Variants in ZNF746 observed in about 807,000 individuals in gnomAD.
The protein encoded by ZNF746 is zinc finger protein 746.
In ZNF746, 13 loss-of-function variants were observed where a neutral mutation model predicts 41.0. The observed-to-expected ratio is 0.32, with a 90% confidence interval of 0.21 to 0.50. The LOEUF is 0.50. Among genes scored for constraint, ZNF746 ranks in the 20% least tolerant of loss-of-function variants. The pLI is 0.98. For synonymous variants in ZNF746, 424 were observed against 396.2 expected (o/e 1.07, Z -0.83); for missense variants, 811 against 922.9 (o/e 0.88, Z 1.57).
chr7:149,479,045 A>G (rs957546197), intron 4 of ZNF746, among the ~76,000 whole-genome samples: 5 of 152,236 alleles, frequency 3.3e-5, no homozygotes, highest in African/African-American at 9.7e-5. Context: ...AGAATGAGAA[A>G]TTCCAACACA....
intron 1 of ZNF746, chr7:149,496,835 G>A: frequency 1.0e-6 from 1 of 985,394 alleles, no homozygotes; most frequent in Non-Finnish European, 1.2e-6. Flanking sequence ...ATTATTGCCC[G>A]CGTACCTGCC....
intron 3 of ZNF746, 53 bp from the exon 4 acceptor site, chr7:149,493,025 C>T (rs1339160489): frequency 5.6e-6 from 7 of 1,241,670 alleles, no homozygotes; most frequent in African/African-American, 1.5e-5. Flanking sequence ...AAGCTGGGGA[C>T]AGTCATCCCG....
At chr7:149,478,663 G>A (rs1800393231) in intron 4 of ZNF746, among the ~76,000 whole-genome samples, 1 of 152,096 alleles carries the variant, frequency 6.6e-6, no homozygotes. Context: ...AACAGAAGAG[G>A]TGCCAAATGG....
At chr7:149,491,657 T>G in intron 4 of ZNF746, 31 of 550,312 alleles carry the variant, frequency 5.6e-5, no homozygotes, top group Non-Finnish European at 5.9e-5. Context: ...CTGACTGAGA[T>G]GAGATGACGA....
At chr7:149,477,983 G>A (rs1800370078) in intron 4 of ZNF746, 2 of 437,734 alleles carry the variant, frequency 4.6e-6, no homozygotes, top group East Asian at 6.9e-5. Context: ...CGGGGGAGGG[G>A]AAGAATACAC....
In ZNF746 at chr7:149,474,898, C is replaced by T. The variant is rs1353144369; in HGVS notation, c.1469G>A (p.Ser490Asn). Residue 490 changes from serine to asparagine, a missense_variant, in exon 7 of 7, where the codon AGC (serine) becomes AAC (asparagine). Coordinates refer to ENST00000458143, the MANE Select transcript of ZNF746 (RefSeq NM_001394198.1). This position sits in a 1 kb window ranked among gnomAD's most constrained non-coding sequence, Gnocchi z 6.3. Reference sequence around the variant, plus strand: ...GCCCGACCCGTCGGGCGCCCCACAGCTGCGCTGGTGCGCGCTCAGGCTGAC... The same window carrying T: ...GCCCGACCCGTCGGGCGCCCCACAGTTGCGCTGGTGCGCGCTCAGGCTGAC... Reference protein sequence around the residue: ...LQVSLSAHQRSCGAPDGSGPG... With the variant: ...LQVSLSAHQRNCGAPDGSGPG... 1 of 1,533,704 alleles carries T rather than the reference C, an allele frequency of 6.5e-7. No homozygotes were observed. Among genetic ancestry groups the T allele is most frequent in the African/African-American group, 1.4e-5 (1 of 72,522 alleles).
chr7:149,474,266 A>G lies in ZNF746; in HGVS notation c.*118T>C. 8.4e-7 allele frequency: 1 copy of G among 1,192,422 alleles called. No individual in the cohort carries two copies. The highest frequency in any genetic ancestry group is 1.2e-6 in the Non-Finnish European group (1 of 852,148). The allele number at this position is 1,192,422 out of a possible 1,614,324, so 73.9% of individuals were successfully genotyped here. A position where few individuals can be genotyped will look rare whatever the true frequency, so the allele number is the denominator to read the frequency against. ...TTTCTCCAGTGATCATCAGTTCAGC[A>G]ACTTGGACATTTGGTTCTCCCCGTC... On this transcript the variant is annotated 3_prime_UTR_variant, in exon 7 of 7. Coordinates refer to ENST00000458143, the MANE Select transcript of ZNF746 (RefSeq NM_001394198.1). This position sits in a 1 kb window ranked among gnomAD's most constrained non-coding sequence, Gnocchi z 6.3.
chr7:149,495,640 T>C (rs545317333), intron 1 of ZNF746, among the ~76,000 whole-genome samples: 114 of 152,310 alleles, frequency 7.5e-4, no homozygotes, highest in African/African-American at 2.7e-3. Flanking sequence ...GGTTGGTGAT[T>C]ATTTCCAAAA....
chr7:149,497,298 G>A lies in ZNF746; in HGVS notation c.24+215C>T, dbSNP rs1275019878. ...GGGGCGGCCCGGGGCGGGGACAACC[G>A]TTCCGCCAGCGCTCGGGTTCGGCTC... On this transcript the variant is annotated intron_variant, in intron 1 of 6. Transcript: ENST00000458143. This position sits in a 1 kb window ranked among gnomAD's most constrained non-coding sequence, Gnocchi z 4.2. The A allele has an allele frequency of 9.1e-6, 9 of 985,146 alleles. No homozygotes were observed. In the East Asian group the frequency reaches 8.0e-4, roughly 88 times the overall value. 61.0% of individuals were successfully genotyped at this position (985,146 alleles called of 1,614,324 possible).
intron 4 of ZNF746, chr7:149,489,237 A>T (rs1404729982): frequency 8.4e-6 from 1 of 118,462 alleles, no homozygotes; most frequent in African/African-American, 3.5e-5. Flanking sequence ...ATTATTTCAC[A>T]CACACACACA....
intron 1 of ZNF746, among the ~76,000 whole-genome samples, chr7:149,496,076 A>G (rs1156277480): frequency 6.6e-6 from 1 of 152,216 alleles, no homozygotes; most frequent in Non-Finnish European, 1.5e-5. Flanking sequence ...AGTTTACTCC[A>G]GAAGCTTCCT....
rs1301972879 is a variant in ZNF746, at chr7:149,474,702, G to A, written c.1665C>T (p.Pro555=). ...TGAAGCGCTTCTCACACTCGGTGCAGGGGAAGGGCCGCTCGCCGGTGTGCA... is the reference window on the plus strand; with the variant it reads ...TGAAGCGCTTCTCACACTCGGTGCAAGGGAAGGGCCGCTCGCCGGTGTGCA... ...RMLHTGERPF[P]CTECEKRFTE... The change falls in exon 7 of 7, where the codon CCC becomes CCT. Residue 555 remains proline (P), a synonymous_variant. Coordinates refer to ENST00000458143, the MANE Select transcript of ZNF746 (RefSeq NM_001394198.1). The surrounding 1 kb of genome is among the most constrained non-coding windows in gnomAD (Gnocchi z 6.3). 5.6e-6 allele frequency: 9 copies of A among 1,612,734 alleles called. No homozygotes were observed. The highest frequency in any genetic ancestry group is 1.3e-5 in the African/African-American group (1 of 74,910).
Position 149,483,531 on chromosome 7 carries a change from C to T in ZNF746, c.566-5776G>A, listed in dbSNP as rs117494987. On this transcript the variant is annotated intron_variant, in intron 4 of 6. Transcript: ENST00000458143. The stretch of plus-strand genomic sequence containing the variant: ...CTGAGGCAGGAGAATGGCTTGAACC[C>T]GGCAAGTGGAGATTGCAGTAAGCCA... Among the ~76,000 whole-genome samples the T allele has an allele frequency of 4.1e-3, 617 of 151,942 alleles. 3 individuals are homozygous for T. Among genetic ancestry groups the T allele is most frequent in the South Asian group, 0.011 (53 of 4,818 alleles).
chr7:149,476,020 T>C (rs1800288938), intron 6 of ZNF746, among the ~76,000 whole-genome samples: 1 of 152,148 alleles, frequency 6.6e-6, no homozygotes, highest in African/African-American at 2.4e-5. Flanking sequence ...TATTAGTGAA[T>C]AAGAATGTGT....
chr7:149,472,958 T>C lies in ZNF746; in HGVS notation c.*1426A>G, dbSNP rs1034750600. 3.3e-5 allele frequency: 5 copies of C among 152,506 alleles called. No homozygotes were observed. Among genetic ancestry groups the C allele is most frequent in the African/African-American group, 1.2e-4 (5 of 41,416 alleles). The allele number at this position is 152,506 out of a possible 1,614,324, so 9.4% of individuals were successfully genotyped here. A position where few individuals can be genotyped will look rare whatever the true frequency, so the allele number is the denominator to read the frequency against. On this transcript the variant is annotated 3_prime_UTR_variant, in exon 7 of 7. Transcript: ENST00000458143. ...TAAAAGTATGCATGAGGGGGCTGAA[T>C]GAATGGGCACTGCCAGGTCCCTCCG...
At position 149,497,680 on chromosome 7, in the gene ZNF746, C is replaced by G; in HGVS notation, c.-144G>C. On this transcript the variant is annotated 5_prime_UTR_variant, in exon 1 of 7. Transcript: ENST00000458143. This position sits in a 1 kb window ranked among gnomAD's most constrained non-coding sequence, Gnocchi z 4.2. ...TGCCGCCGCTCCTCGCTGGCTGCCC[C>G]TGCGCCGCGCCGCCCGCAGTCGCGC... is the stretch of plus-strand genomic sequence containing the variant. 1 of 566,014 alleles carries G rather than the reference C, an allele frequency of 1.8e-6. No individual in the cohort carries two copies. The highest frequency in any genetic ancestry group is 2.2e-6 in the Non-Finnish European group (1 of 444,708). The allele number at this position is 566,014 out of a possible 1,614,324, so 35.1% of individuals were successfully genotyped here. A position where few individuals can be genotyped will look rare whatever the true frequency, so the allele number is the denominator to read the frequency against.
At chr7:149,489,536 T>C (rs1276889267) in intron 4 of ZNF746, 1 of 152,466 alleles carries the variant, frequency 6.6e-6, no homozygotes, top group Non-Finnish European at 1.5e-5. Context: ...GCAGTGCCGA[T>C]GACACGAAAG....
chr7:149,497,525 C>T lies in ZNF746; in HGVS notation c.12G>A (p.Ala4=). The T allele has an allele frequency of 9.1e-7, 1 of 1,100,926 alleles. No homozygotes were observed. The highest frequency in any genetic ancestry group is 1.1e-6 in the Non-Finnish European group (1 of 906,604). The allele number at this position is 1,100,926 out of a possible 1,614,324, so 68.2% of individuals were successfully genotyped here. A position where few individuals can be genotyped will look rare whatever the true frequency, so the allele number is the denominator to read the frequency against. Residue 4 remains alanine (A), a synonymous_variant, in exon 1 of 7, where the codon GCG becomes GCA. Coordinates refer to ENST00000458143, the MANE Select transcript of ZNF746 (RefSeq NM_001394198.1). This position sits in a 1 kb window ranked among gnomAD's most constrained non-coding sequence, Gnocchi z 4.2. MAE[A]VAAPISPWTM... ...GGGTCGCCCTTACCGGAGCCGCGAC[C>T]GCCTCGGCCATGGCCCTGCGCTGTC... is the stretch of plus-strand genomic sequence containing the variant.
At chr7:149,495,667 A>C (rs1800972693) in intron 1 of ZNF746, among the ~76,000 whole-genome samples, 1 of 152,378 alleles carries the variant, frequency 6.6e-6, no homozygotes, top group Non-Finnish European at 1.5e-5. Context: ...AGTAGCTACT[A>C]GAAACCAGTG....
Sources: gnomAD v4.1 joint callset for allele counts (sites outside exome capture counted in the v4.1 genomes callset) on GRCh38, gnomAD v4.1.1 for gene constraint, Gnocchi (gnomAD v3.1) non-coding constraint, MANE v1.5 for transcripts, NCBI Gene and HGNC (gene_info 2026-07-23, HGNC 2026-07-21) for gene names.